MCM5: variants seen among roughly 807,000 people sequenced by gnomAD.
MCM5 encodes the protein minichromosome maintenance complex component 5.
MCM5 carries 46 observed loss-of-function variants against 79.9 expected under a neutral mutation model. That is an observed-to-expected ratio of 0.58 (90% confidence interval 0.45 to 0.74). The LOEUF is 0.74. MCM5 is among the 30% of genes least tolerant of loss of function. The pLI, the probability that MCM5 is intolerant of heterozygous loss-of-function variation, is 0.00. For synonymous variants in MCM5, 404 were observed against 390.5 expected, an observed-to-expected ratio of 1.03 and a Z score of -0.41; for missense variants, 883 against 1,017.0, an observed-to-expected ratio of 0.87 and a Z score of 1.79.
chr22:35,414,339 G>A (rs536206958), intron 9 of MCM5, among the ~76,000 whole-genome samples: 1 of 152,226 alleles, frequency 6.6e-6, no homozygotes, highest in Non-Finnish European at 1.5e-5. Flanking sequence ...CTAAAATCTG[G>A]CTGGGCATGG....
At chr22:35,417,958 C>A in intron 13 of MCM5, 102 bp downstream of exon 13, 1 of 772,390 alleles carries the variant, frequency 1.3e-6, no homozygotes, top group Non-Finnish European at 2.3e-6. Context: ...AAGAACAGCC[C>A]AGATGTTGCT....
At chr22:35,401,495 A>G (rs759237302) in intron 2 of MCM5, 23 of 469,416 alleles carry the variant, frequency 4.9e-5, no homozygotes, top group Middle Eastern at 3.3e-4. Flanking sequence ...ACATCATGAG[A>G]ATTCTCATAG....
chr22:35,423,605 A>C, intron 16 of MCM5: 1 of 313,210 alleles, frequency 3.2e-6, no homozygotes, highest in South Asian at 8.8e-5. Context: ...AACCCCATAC[A>C]AGTTCCCCGC....
chr22:35,449,558 CTTTGTCCCAGCTGTGGCCT>C, the MCM5 span, among the ~76,000 whole-genome samples: 7 of 150,754 alleles, frequency 4.6e-5, no homozygotes, highest in Non-Finnish European at 8.9e-5. Context: ...ACCGTGGCCT[CTTTGTCCCAGCTGTGGCCT>C]CTCTGTCCCA....
the MCM5 span, among the ~76,000 whole-genome samples, chr22:35,445,626 C>CA: frequency 6.6e-6 from 1 of 152,018 alleles, no homozygotes; most frequent in East Asian, 1.9e-4. Flanking sequence ...TCTCATGCCT[C>CA]AGCCTCCTGA....
chr22:35,426,892 GCCGCTCCACCCCTTCTC>G (rs1932782533), downstream of MCM5, among the ~76,000 whole-genome samples: 2 of 152,304 alleles, frequency 1.3e-5, no homozygotes, highest in South Asian at 4.1e-4. Context: ...CACTATGAGA[GCCGCTCCACCCCTTCTC>G]CAGTTCCAGG....
chr22:35,418,777 A>G (rs1395698006), intron 13 of MCM5, among the ~76,000 whole-genome samples: 2 of 152,176 alleles, frequency 1.3e-5, no homozygotes, highest in Admixed American at 1.3e-4. Context: ...TTCTATATGA[A>G]TAAATTATAA....
the MCM5 span, among the ~76,000 whole-genome samples, chr22:35,450,520 C>T: frequency 6.6e-6 from 1 of 152,154 alleles, no homozygotes; most frequent in Non-Finnish European, 1.5e-5. Flanking sequence ...CGCCTGACTC[C>T]GCCTGGTTTC....
rs1387679108 is a variant in MCM5 at position 35,422,852 on chromosome 22, T to A, written c.1976-362T>A. On this transcript the variant is annotated intron_variant, in intron 15 of 16. Coordinates refer to ENST00000216122, the MANE Select transcript of MCM5 (RefSeq NM_006739.4). ...GTCACTGATGGGCCCCTTCCAACTC[T>A]CTCTCTAATCTATCTGCTCCAGCAA... 4 of 164,974 alleles carry A rather than the reference T, an allele frequency of 2.4e-5. No individual in the cohort carries two copies. In the East Asian group the frequency reaches 6.7e-4, roughly 28 times the overall value. 10.2% of individuals were successfully genotyped at this position (164,974 alleles called of 1,614,324 possible). A position where few individuals can be genotyped will look rare whatever the true frequency, so the allele number is the denominator to read the frequency against.
rs888762085 is a variant in MCM5 at position 35,400,188 on chromosome 22, G to A, written c.-29G>A. On this transcript the variant is annotated 5_prime_UTR_variant, in exon 1 of 17. The change creates a new upstream start codon in the 5' untranslated region. Coordinates refer to ENST00000216122, the MANE Select transcript of MCM5 (RefSeq NM_006739.4). ...TGGAGGTTCTTGTCTCCCCTGGTTT[G>A]TGAAGTGCGGAAAACCAGAGGTGAG... 1.5e-5 allele frequency: 8 copies of A among 522,016 alleles called. No individual in the cohort carries two copies. The East Asian group carries it at 2.1e-4, about 14-fold the overall frequency. 32.3% of individuals were successfully genotyped at this position (522,016 alleles called of 1,614,324 possible).
intron 4 of MCM5, among the ~76,000 whole-genome samples, chr22:35,406,297 C>CCA (rs1047855878): frequency 1.3e-4 from 7 of 54,430 alleles, no homozygotes; most frequent in Middle Eastern, 9.1e-3. Context: ...TGCCCTGCCA[C>CCA]CTCCCCCCCC....
At chr22:35,411,908 G>T (rs1186096847) in intron 7 of MCM5, among the ~76,000 whole-genome samples, 3 of 152,112 alleles carry the variant, frequency 2.0e-5, no homozygotes, top group Non-Finnish European at 4.4e-5. Flanking sequence ...CCCACCCTCA[G>T]ACTGGCTCCT....
chr22:35,413,030 C>G (rs1435629743), intron 8 of MCM5, among the ~76,000 whole-genome samples: 3 of 152,040 alleles, frequency 2.0e-5, no homozygotes, highest in African/African-American at 7.2e-5. Flanking sequence ...CTGTGTTCTT[C>G]CTATGCACAG....
At chr22:35,408,994 GC>G (rs1345808532) in intron 6 of MCM5, among the ~76,000 whole-genome samples, 12 of 150,608 alleles carry the variant, frequency 8.0e-5, no homozygotes, top group African/African-American at 3.0e-4. Flanking sequence ...ACGGAGTCTG[GC>G]TCTGTAGCCC....
chr22:35,418,489 A>C (rs1435064512), intron 13 of MCM5, among the ~76,000 whole-genome samples: 1 of 152,040 alleles, frequency 6.6e-6, no homozygotes, highest in African/African-American at 2.4e-5. Context: ...GCGAAACCCC[A>C]TGTCTACTAA....
chr22:35,453,819 TAGAG>T, the MCM5 span, among the ~76,000 whole-genome samples: 109 of 81,538 alleles, frequency 1.3e-3, no homozygotes, highest in East Asian at 4.7e-3. Flanking sequence ...TATATATATA[TAGAG>T]AGAGAGAGAG....
At chr22:35,428,719 C>G (rs1932793237), downstream of MCM5, among the ~76,000 whole-genome samples, 1 of 152,158 alleles carries the variant, frequency 6.6e-6, no homozygotes, top group South Asian at 2.1e-4. Flanking sequence ...GCTTGGTCTT[C>G]CAGGTCAGGG....
In MCM5 at chr22:35,408,485, A is replaced by G. The variant is rs372053273; in HGVS notation, c.674A>G (p.Gln225Arg). ...MPDKCKCVDF[Q>R]TLKLQELPDA... ...GACAAATGCAAATGCGTGGACTTCC[A>G]GACCCTGAAGCTGCAGGAGCTGCCT... The change falls in exon 6 of 17, where the codon CAG becomes CGG. Residue 225 changes from glutamine to arginine, a missense_variant. Transcript: ENST00000216122. 3.7e-6 allele frequency: 6 copies of G among 1,614,108 alleles called. No homozygotes were observed. The African/African-American group carries it at 6.7e-5, about 18-fold the overall frequency.
In MCM5 at chr22:35,420,609, A is replaced by C. The variant is rs558749202; in HGVS notation, c.1832+597A>C. ...ATGGGGACTGGTGTGAGGACTCCTCAAGCTCCCCCTTACTCTTAGTCCGAG... is the reference window on the plus strand; with the variant it reads ...ATGGGGACTGGTGTGAGGACTCCTCCAGCTCCCCCTTACTCTTAGTCCGAG... On this transcript the variant is annotated intron_variant, in intron 14 of 16. Coordinates refer to ENST00000216122, the MANE Select transcript of MCM5 (RefSeq NM_006739.4). Among the ~76,000 whole-genome samples, 9 of 152,320 alleles carry C rather than the reference A, an allele frequency of 5.9e-5. No homozygotes were observed. The South Asian group carries it at 1.7e-3, about 28-fold the overall frequency.
Sources: gnomAD v4.1 joint callset for allele counts (sites outside exome capture counted in the v4.1 genomes callset) on GRCh38, gnomAD v4.1.1 for gene constraint, MANE v1.5 for transcripts, NCBI Gene and HGNC (gene_info 2026-07-23, HGNC 2026-07-21) for gene names.